Variants in SMIM27 observed in about 807,000 individuals in gnomAD.
SMIM27 encodes the protein TOPORS antisense RNA 1 (non-protein coding).
Under a neutral mutation model 1.8 loss-of-function variants are expected in SMIM27, and 3 were observed. The observed-to-expected ratio is 1.65, with a 90% CI of 0.75 to 4.28. The LOEUF is 4.28. Among genes scored for constraint, SMIM27 ranks in the 30% most tolerant of loss-of-function variants. The probability of loss-of-function intolerance (pLI) is 0.02; values close to 1 mark genes in which losing one functional copy is unlikely to be tolerated. For synonymous variants in SMIM27, 19 were observed against 13.9 expected (o/e 1.37, Z -0.82); for missense variants, 63 against 37.0 (o/e 1.70, Z -1.83).
At chr9:32,555,950 T>C (rs542506955), downstream of SMIM27, among the ~76,000 whole-genome samples, 7 of 152,356 alleles carry the variant, frequency 4.6e-5, no homozygotes, top group Non-Finnish European at 7.3e-5. Flanking sequence ...ATCCAAATTC[T>C]ACCACTGAAC....
chr9:32,565,005 T>C (rs539139946), intron 1 of SMIM27, among the ~76,000 whole-genome samples: 1 of 152,190 alleles, frequency 6.6e-6, no homozygotes, highest in East Asian at 1.9e-4. Flanking sequence ...TATAAACAAT[T>C]CAGCAGGCCA....
chr9:32,562,999 T>G (rs1225222649), intron 1 of SMIM27, among the ~76,000 whole-genome samples: 2 of 152,226 alleles, frequency 1.3e-5, no homozygotes, highest in African/African-American at 2.4e-5. Context: ...TTCATGATCT[T>G]GACATTTCTG....
rs749625928 is a variant in SMIM27, at chr9:32,552,480, G to T, written c.45+1G>T. The stretch of plus-strand genomic sequence containing the variant: ...CACGCTGGACTGGATTTATTCAGTG[G>T]TAAGTCCCGGGGATCGCGGGCCCCC... On this transcript the variant is annotated splice_donor_variant, in intron 1 of 1. Coordinates refer to ENST00000692500, the MANE Select transcript of SMIM27 (RefSeq NM_001387564.1). LOFTEE classifies it high-confidence loss of function. The T allele has an allele frequency of 2.3e-5, 36 of 1,594,034 alleles. No homozygotes were observed. The highest frequency in any genetic ancestry group is 1.5e-4 in the African/African-American group (11 of 74,652).
downstream of SMIM27, among the ~76,000 whole-genome samples, chr9:32,556,777 T>A (rs745422601): frequency 5.3e-5 from 8 of 151,590 alleles, no homozygotes; most frequent in Non-Finnish European, 7.4e-5. Context: ...GATAATTTCC[T>A]ATTTTGAGAC....
chr9:32,562,187 C>A (rs1821644891), intron 1 of SMIM27, among the ~76,000 whole-genome samples: 1 of 152,164 alleles, frequency 6.6e-6, no homozygotes, highest in African/African-American at 2.4e-5. Flanking sequence ...CTTTTTTCCT[C>A]CGTACTCTTT....
At chr9:32,551,221 G>A (rs1821250786), upstream of SMIM27, 2 of 596,020 alleles carry the variant, frequency 3.4e-6, no homozygotes, top group East Asian at 2.8e-5. Flanking sequence ...TGGGGACACT[G>A]ACTGAATGTT....
downstream of SMIM27, chr9:32,553,815 T>C: frequency 9.2e-7 from 1 of 1,082,520 alleles, no homozygotes; most frequent in African/African-American, 1.6e-5. Flanking sequence ...GAAAATTCAG[T>C]AAATATGGTA....
chr9:32,562,959 C>T (rs1821668997), intron 1 of SMIM27, among the ~76,000 whole-genome samples: 1 of 152,216 alleles, frequency 6.6e-6, no homozygotes, highest in South Asian at 2.1e-4. Context: ...CTTCCTCAAT[C>T]TGGAACAATC....
intron 1 of SMIM27, among the ~76,000 whole-genome samples, chr9:32,561,619 A>G (rs10813836): frequency 0.66 from 100,799 of 151,962 alleles, 33,754 homozygotes; most frequent in Middle Eastern, 0.71. Context: ...ATGAGCCACC[A>G]CACCCAGTCT....
At chr9:32,558,988 T>A (rs199796514) in intron 1 of SMIM27, 19 of 1,464,182 alleles carry the variant, frequency 1.3e-5, no homozygotes, top group Non-Finnish European at 1.8e-5. Flanking sequence ...TTAATTATGG[T>A]GTTAAGAGTT....
downstream of SMIM27, among the ~76,000 whole-genome samples, chr9:32,556,832 G>T (rs1821467980): frequency 6.7e-6 from 1 of 149,280 alleles, no homozygotes; most frequent in Non-Finnish European, 1.5e-5. Context: ...TAAAACAAAA[G>T]GAGAAATCCC....
At chr9:32,558,933 C>G in intron 1 of SMIM27, 1 of 1,584,080 alleles carries the variant, frequency 6.3e-7, no homozygotes, top group Non-Finnish European at 8.7e-7. Context: ...GACTTCTTTT[C>G]AACTATGCCA....
At chr9:32,558,802 C>T (rs923702968) in intron 1 of SMIM27, 7 of 753,806 alleles carry the variant, frequency 9.3e-6, no homozygotes, top group South Asian at 5.0e-5. Flanking sequence ...GGACTTAAAC[C>T]GAAAGTGAGA....
At chr9:32,566,854 G>C in exon 2 of SMIM27, 1 of 780,398 alleles carries the variant, frequency 1.3e-6, no homozygotes, top group Non-Finnish European at 2.1e-6. Flanking sequence ...TAGCTGCCGG[G>C]CGGCCTGGAT....
At chr9:32,566,510 A>G (rs1821794341) in exon 2 of SMIM27, 1 of 774,238 alleles carries the variant, frequency 1.3e-6, no homozygotes, top group Admixed American at 1.8e-5. Flanking sequence ...TCCGGTGTGC[A>G]GAGACGGCTG....
chr9:32,552,405 G>C lies in SMIM27; in HGVS notation c.-30G>C. 1 of 1,608,330 alleles carries C rather than the reference G, an allele frequency of 6.2e-7. No homozygotes were observed. Among genetic ancestry groups the C allele is most frequent in the East Asian group, 2.2e-5 (1 of 44,690 alleles). ...ACTGTAAGGCCCGCAGCTCCCGCCAGCTCCCGCGGACTGCTGCCGCCTCCT... is the reference window on the plus strand; with the variant it reads ...ACTGTAAGGCCCGCAGCTCCCGCCACCTCCCGCGGACTGCTGCCGCCTCCT... On this transcript the variant is annotated 5_prime_UTR_variant, in exon 1 of 2. Coordinates refer to ENST00000692500, the MANE Select transcript of SMIM27 (RefSeq NM_001387564.1).
downstream of SMIM27, chr9:32,553,973 A>C: frequency 7.0e-7 from 1 of 1,435,820 alleles, no homozygotes; most frequent in Non-Finnish European, 9.7e-7. Context: ...AGTTAGTACA[A>C]AAATCTTAAG....
At chr9:32,566,436 G>A in exon 2 of SMIM27, 1 of 829,526 alleles carries the variant, frequency 1.2e-6, no homozygotes, top group South Asian at 1.3e-5. Context: ...TACTGTAGGG[G>A]TTGATGGAGT....
intron 1 of SMIM27, among the ~76,000 whole-genome samples, chr9:32,564,894 G>A (rs758634909): frequency 2.6e-4 from 39 of 152,090 alleles, no homozygotes; most frequent in Non-Finnish European, 4.7e-4. Context: ...ATTAACGATC[G>A]CTCACCATTT....
Sources: gnomAD v4.1 joint callset for allele counts (sites outside exome capture counted in the v4.1 genomes callset) on GRCh38, gnomAD v4.1.1 for gene constraint, MANE v1.5 for transcripts, NCBI Gene and HGNC (gene_info 2026-07-23, HGNC 2026-07-21) for gene names.